Variants in RPRD2 observed in about 807,000 individuals in gnomAD.
RPRD2 encodes regulation of nuclear pre-mRNA domain-containing protein 2.
In RPRD2, 12 loss-of-function variants were observed where a neutral mutation model predicts 104.4. The observed-to-expected ratio is 0.11, with a 90% CI of 0.07 to 0.19. The LOEUF (loss-of-function observed/expected upper bound fraction) is 0.19, where lower values mean the gene tolerates loss of function less well. Ranked by LOEUF, RPRD2 falls within the 10% of genes least tolerant of loss-of-function variation. The probability of loss-of-function intolerance (pLI) is 1.00; values close to 1 mark genes in which losing one functional copy is unlikely to be tolerated. For synonymous variants in RPRD2, 714 were observed against 684.9 expected (o/e 1.04, Z -0.66); for missense variants, 1,543 against 1,790.1 (o/e 0.86, Z 2.49).
Position 150,457,465 on chromosome 1 carries a change from A to G in RPRD2, c.1048A>G (p.Thr350Ala). ...GGGAGGTGAGGAATCCCAGTCACCA[A>G]CCATGGAGAGTGAGAAATCTGCCAC... ...GMGGEESQSPTMESEKSATPE... is the reference protein window; with the variant it reads ...GMGGEESQSPAMESEKSATPE... The change falls in exon 8 of 11, where the codon ACC becomes GCC. Residue 350 changes from threonine (T) to alanine (A), a missense_variant. This residue lies in a region of RPRD2 where 572 missense variants were observed against 787.3 expected (regional missense o/e 0.73). Transcript: ENST00000369068. 1.2e-6 allele frequency: 2 copies of G among 1,613,840 alleles called. No individual in the cohort carries two copies. The highest frequency in any genetic ancestry group is 8.5e-7 in the Non-Finnish European group (1 of 1,179,812).
intron 2 of RPRD2, among the ~76,000 whole-genome samples, chr1:150,433,415 T>TACACACAC (rs59986598): frequency 7.3e-6 from 1 of 136,950 alleles, no homozygotes; most frequent in East Asian, 2.1e-4. Flanking sequence ...ATACTATATA[T>TACACACAC]ACACACACAC....
chr1:150,412,116 A>G (rs782351774), intron 1 of RPRD2, among the ~76,000 whole-genome samples: 1 of 151,500 alleles, frequency 6.6e-6, no homozygotes, highest in Admixed American at 6.6e-5. Context: ...GAGTGAGACT[A>G]AGTCTCCAAA....
At chr1:150,370,890 A>G (rs587625765) in intron 1 of RPRD2, among the ~76,000 whole-genome samples, 6 of 152,172 alleles carry the variant, frequency 3.9e-5, no homozygotes, top group African/African-American at 1.4e-4. Flanking sequence ...TATTTTTCAT[A>G]GAAACTTTAT....
intron 1 of RPRD2, among the ~76,000 whole-genome samples, chr1:150,379,135 T>G (rs972878146): frequency 2.0e-5 from 3 of 150,712 alleles, no homozygotes; most frequent in Non-Finnish European, 4.4e-5. Flanking sequence ...AAACAAAAAT[T>G]AGACCGTCAT....
chr1:150,462,475 T>C (rs1668004249), intron 9 of RPRD2, among the ~76,000 whole-genome samples: 2 of 150,906 alleles, frequency 1.3e-5, no homozygotes, highest in South Asian at 4.2e-4. Context: ...AAAAAAAACC[T>C]GTAAATTATA....
chr1:150,410,837 T>TC (rs1553887500), intron 1 of RPRD2, among the ~76,000 whole-genome samples: 1 of 152,144 alleles, frequency 6.6e-6, no homozygotes, highest in African/African-American at 2.4e-5. Flanking sequence ...GTTGCAGAGT[T>TC]CAAGATCAAG....
At chr1:150,457,664 C>T (rs1667629172) in intron 8 of RPRD2, 94 bp downstream of exon 8, 2 of 1,100,202 alleles carry the variant, frequency 1.8e-6, no homozygotes, top group African/African-American at 3.1e-5. Flanking sequence ...AAAGATAGTT[C>T]ATTTCTTAAA....
chr1:150,406,309 T>C (rs1288819423), intron 1 of RPRD2, among the ~76,000 whole-genome samples: 1 of 152,212 alleles, frequency 6.6e-6, no homozygotes, highest in Non-Finnish European at 1.5e-5. Flanking sequence ...TATACCCCCA[T>C]GTTAAGGAGG....
rs374960706 is a variant in RPRD2 at position 150,410,600 on chromosome 1, T to G, written c.206-6996T>G. 8.5e-5 allele frequency among the ~76,000 whole-genome samples: 13 copies of G among 152,350 alleles called. No individual in the cohort carries two copies. In the South Asian group the frequency reaches 2.3e-3, roughly 27 times the overall value. ...CCCATTATTAACATTTTAACATATTTGCTTTATCTCTCTTACTGCTCTCTC... is the reference window on the plus strand; with the variant it reads ...CCCATTATTAACATTTTAACATATTGGCTTTATCTCTCTTACTGCTCTCTC... On this transcript the variant is annotated intron_variant, in intron 1 of 10. Coordinates refer to ENST00000369068, the MANE Select transcript of RPRD2 (RefSeq NM_015203.5).
At chr1:150,399,176 A>G (rs1394761012) in intron 1 of RPRD2, among the ~76,000 whole-genome samples, 7 of 151,148 alleles carry the variant, frequency 4.6e-5, no homozygotes, top group African/African-American at 1.7e-4. Flanking sequence ...TTATCTTTTA[A>G]TTTTTCTTTA....
At chr1:150,387,149 A>T (rs1553881975) in intron 1 of RPRD2, among the ~76,000 whole-genome samples, 1 of 152,080 alleles carries the variant, frequency 6.6e-6, no homozygotes, top group Non-Finnish European at 1.5e-5. Context: ...AATTGTTGTA[A>T]ATCTCCTAAA....
At chr1:150,374,389 A>G (rs1553879083) in intron 1 of RPRD2, among the ~76,000 whole-genome samples, 2 of 152,114 alleles carry the variant, frequency 1.3e-5, no homozygotes, top group South Asian at 2.1e-4. Context: ...TGTCCTTTAT[A>G]ATTAACCAGT....
rs975111870 is a variant in RPRD2 at position 150,460,407 on chromosome 1, G to A, written c.1411+90G>A. The A allele has an allele frequency of 1.5e-5, 19 of 1,273,786 alleles. No individual in the cohort carries two copies. The African/African-American group carries it at 2.5e-4, about 17-fold the overall frequency. 78.9% of individuals were successfully genotyped at this position (1,273,786 alleles called of 1,614,324 possible). On this transcript the variant is annotated intron_variant, in intron 9 of 10. Transcript: ENST00000369068. Reference sequence around the variant, plus strand: ...TGTTTTTGGGGGGGTTGTTGTTGTTGTTGTTGTTGTTGTTTAGACAGAGTT... The same window carrying A: ...TGTTTTTGGGGGGGTTGTTGTTGTTATTGTTGTTGTTGTTTAGACAGAGTT...
At chr1:150,449,885 T>TA (rs1667037424) in intron 7 of RPRD2, among the ~76,000 whole-genome samples, 1 of 152,212 alleles carries the variant, frequency 6.6e-6, no homozygotes, top group Non-Finnish European at 1.5e-5. Flanking sequence ...GAACTCACAT[T>TA]AGTATGTATA....
chr1:150,369,623 A>ATTTTTTTTTTTTTTT (rs61016870), intron 1 of RPRD2, among the ~76,000 whole-genome samples: 12 of 68,868 alleles, frequency 1.7e-4, no homozygotes, highest in Admixed American at 4.5e-4. Flanking sequence ...CGCCCAGCTA[A>ATTTTTTTTTTTTTTT]TTTTTTTTTT....
chr1:150,412,100 G>T (rs73017092), intron 1 of RPRD2, among the ~76,000 whole-genome samples: 7,252 of 152,072 alleles, frequency 0.048, 434 homozygotes, highest in African/African-American at 0.13. Context: ...TCTGGCCTGG[G>T]CGATAGAGTG....
chr1:150,376,939 T>A (rs978466335), intron 1 of RPRD2, among the ~76,000 whole-genome samples: 2 of 148,988 alleles, frequency 1.3e-5, no homozygotes, highest in Non-Finnish European at 3.0e-5. Context: ...GGCCGGGCGC[T>A]GTGGCTCACG....
chr1:150,432,610 A>G (rs1665681316), intron 2 of RPRD2, among the ~76,000 whole-genome samples: 1 of 148,952 alleles, frequency 6.7e-6, no homozygotes, highest in South Asian at 2.1e-4. Flanking sequence ...CATATATTTA[A>G]TCACAATAAG....
chr1:150,440,935 C>T lies in RPRD2; in HGVS notation c.348C>T (p.Val116=), dbSNP rs1553894309. 1.3e-6 allele frequency: 2 copies of T among 1,552,874 alleles called. No individual in the cohort carries two copies. The highest frequency in any genetic ancestry group is 2.4e-5 in the South Asian group (2 of 83,996). The change falls in exon 3 of 11, where the codon GTC becomes GTT. Residue 116 remains valine, a synonymous_variant. Coordinates refer to ENST00000369068, the MANE Select transcript of RPRD2 (RefSeq NM_015203.5). ...TCTTTGTTTTCAGGGATCCATCTGT[C>T]TCTAAGTCTGTAGAACGAATCTTTA... ...EAAALVKDPS[V]SKSVERIFKI...
Sources: allele counts gnomAD v4.1 joint callset (sites outside exome capture counted in the v4.1 genomes callset), GRCh38; gene constraint gnomAD v4.1.1; regional missense constraint gnomAD v4.1.1; transcripts MANE v1.5; gene names NCBI Gene and HGNC (gene_info 2026-07-23, HGNC 2026-07-21).